The following FNDC3B variants were observed in gnomAD, a reference collection of about 807,000 sequenced individuals.
FNDC3B encodes fibronectin type III domain-containing protein 3B.
In FNDC3B, 12 loss-of-function variants were observed where a neutral mutation model predicts 151.5. The observed-to-expected ratio is 0.08, with a 90% confidence interval of 0.05 to 0.13. The LOEUF (loss-of-function observed/expected upper bound fraction) is 0.13, where lower values mean the gene tolerates loss of function less well. Among genes scored for constraint, FNDC3B ranks in the 10% least tolerant of loss-of-function variants. The pLI, the probability that FNDC3B is intolerant of heterozygous loss-of-function variation, is 1.00. For missense variants in FNDC3B, 1,214 were observed against 1,505.3 expected (o/e 0.81, Z 3.20); for synonymous variants, 528 against 549.0 (o/e 0.96, Z 0.54).
rs371640788 is a variant in FNDC3B, at chr3:172,125,502, TC to T, written c.112-7964del. On this transcript the variant is annotated intron_variant, in intron 2 of 25. Transcript: ENST00000415807. ...AGATAGTAGAGGTAGTAGAGGTTCC[TC>T]CCCCGTGGGAGTCTCACCCTGGAGT... is the stretch of plus-strand genomic sequence containing the variant. Among the ~76,000 whole-genome samples, 117 of 152,170 alleles carry T rather than the reference TC, an allele frequency of 7.7e-4. 1 individual carries two copies. In the South Asian group the frequency reaches 0.023, roughly 30 times the overall value.
rs143499244 is a variant in FNDC3B at position 172,165,163 on chromosome 3, G to A, written c.187+31617G>A. Among the ~76,000 whole-genome samples, 196 of 152,168 alleles carry A rather than the reference G, an allele frequency of 1.3e-3. 4 individuals are homozygous for A. The East Asian group carries it at 0.034, about 27-fold the overall frequency. ...GGAGTAGCTGGGACTACAGGCATGCGCCACCATGGCTGAGTTTTGTATCTT... is the reference window on the plus strand; with the variant it reads ...GGAGTAGCTGGGACTACAGGCATGCACCACCATGGCTGAGTTTTGTATCTT... On this transcript the variant is annotated intron_variant, in intron 3 of 25. Coordinates refer to ENST00000415807, the MANE Select transcript of FNDC3B (RefSeq NM_022763.4).
At chr3:172,304,230 T>G (rs1171136247) in intron 9 of FNDC3B, among the ~76,000 whole-genome samples, 2 of 152,158 alleles carry the variant, frequency 1.3e-5, no homozygotes, top group African/African-American at 4.8e-5. Flanking sequence ...GAGACCAAAT[T>G]TACCTTTCCC....
chr3:172,053,001 A>G (rs1328016844), intron 1 of FNDC3B, among the ~76,000 whole-genome samples: 1 of 152,202 alleles, frequency 6.6e-6, no homozygotes, highest in Non-Finnish European at 1.5e-5. Flanking sequence ...GGCAGATGTA[A>G]AATACAGTAA....
At chr3:172,320,562 A>C (rs551300557) in intron 11 of FNDC3B, among the ~76,000 whole-genome samples, 1 of 152,226 alleles carries the variant, frequency 6.6e-6, no homozygotes, top group Admixed American at 6.5e-5. Flanking sequence ...AGGAACAGGA[A>C]GTATCGTTTC....
At chr3:172,051,035 G>A (rs567395231) in intron 1 of FNDC3B, among the ~76,000 whole-genome samples, 19 of 149,102 alleles carry the variant, frequency 1.3e-4, no homozygotes, top group African/African-American at 3.7e-4. Flanking sequence ...GCATATCCTT[G>A]TTATGTTCCA....
chr3:172,203,380 A>AC (rs1320568579), intron 3 of FNDC3B, among the ~76,000 whole-genome samples: 1 of 152,262 alleles, frequency 6.6e-6, no homozygotes, highest in East Asian at 1.9e-4. Flanking sequence ...AGAAAGCAAG[A>AC]CAGGACATCG....
chr3:172,393,715 G>A (rs1205115650), intron 25 of FNDC3B, among the ~76,000 whole-genome samples: 1 of 152,130 alleles, frequency 6.6e-6, no homozygotes, highest in Non-Finnish European at 1.5e-5. Flanking sequence ...CGAATACATG[G>A]AAATAAAAAA....
intron 23 of FNDC3B, among the ~76,000 whole-genome samples, chr3:172,364,036 G>A (rs1469778202): frequency 1.3e-5 from 2 of 152,198 alleles, no homozygotes; most frequent in South Asian, 2.1e-4. Context: ...AGAACAAAAC[G>A]TGATTATCCT....
chr3:172,067,121 C>A (rs758670413), intron 1 of FNDC3B, among the ~76,000 whole-genome samples: 2 of 152,200 alleles, frequency 1.3e-5, no homozygotes, highest in South Asian at 4.1e-4. Flanking sequence ...CCTACCCTCA[C>A]CCAGTCTTCC....
intron 23 of FNDC3B, among the ~76,000 whole-genome samples, chr3:172,372,180 T>G (rs914002797): frequency 6.6e-6 from 1 of 152,208 alleles, no homozygotes; most frequent in African/African-American, 2.4e-5. Context: ...CAGTGTGTTG[T>G]ATCCAAACTC....
At chr3:172,097,849 A>G (rs1352387650) in intron 1 of FNDC3B, among the ~76,000 whole-genome samples, 3 of 152,198 alleles carry the variant, frequency 2.0e-5, no homozygotes, top group African/African-American at 4.8e-5. Context: ...ATTTTACAGC[A>G]GCTGCCTTAA....
chr3:172,333,835 G>C (rs1732814094), intron 14 of FNDC3B, among the ~76,000 whole-genome samples: 1 of 151,916 alleles, frequency 6.6e-6, no homozygotes, highest in East Asian at 1.9e-4. Context: ...ACTTTCCTTT[G>C]CTCTTCTGCC....
chr3:172,062,881 G>T (rs1246189766), intron 1 of FNDC3B, among the ~76,000 whole-genome samples: 2 of 152,044 alleles, frequency 1.3e-5, no homozygotes, highest in Admixed American at 1.3e-4. Flanking sequence ...AGAGGAGAAT[G>T]AAGAATTAAG....
intron 6 of FNDC3B, among the ~76,000 whole-genome samples, chr3:172,279,499 G>A (rs990324549): frequency 2.0e-5 from 3 of 152,082 alleles, no homozygotes; most frequent in African/African-American, 4.8e-5. Flanking sequence ...TTTCTTTTTC[G>A]GTGTTGAGAG....
At chr3:172,310,619 T>A (rs1388599749) in intron 10 of FNDC3B, among the ~76,000 whole-genome samples, 1 of 152,156 alleles carries the variant, frequency 6.6e-6, no homozygotes, top group East Asian at 1.9e-4. Context: ...GGAGTATGAT[T>A]TATTCATAGT....
At chr3:172,085,883 T>C (rs1718525698) in intron 1 of FNDC3B, among the ~76,000 whole-genome samples, 1 of 152,226 alleles carries the variant, frequency 6.6e-6, no homozygotes, top group South Asian at 2.1e-4. Context: ...ACATTGCTTG[T>C]TTCTCAGATA....
At chr3:172,373,975 C>G (rs1276026037) in intron 23 of FNDC3B, among the ~76,000 whole-genome samples, 1 of 152,190 alleles carries the variant, frequency 6.6e-6, no homozygotes, top group Non-Finnish European at 1.5e-5. Context: ...ACATTTCATG[C>G]TAGGGTTTAC....
chr3:172,200,064 G>A (rs891622372), intron 3 of FNDC3B, among the ~76,000 whole-genome samples: 2 of 151,750 alleles, frequency 1.3e-5, no homozygotes, highest in African/African-American at 2.4e-5. Flanking sequence ...TCAGTGTTGC[G>A]GGGGCCAGAG....
chr3:172,307,950 A>G (rs1357435058), intron 10 of FNDC3B, among the ~76,000 whole-genome samples: 1 of 152,232 alleles, frequency 6.6e-6, no homozygotes, highest in Non-Finnish European at 1.5e-5. Context: ...TAAAATACCT[A>G]CATCTTATCA....
Sources: gnomAD v4.1 joint callset for allele counts (sites outside exome capture counted in the v4.1 genomes callset) on GRCh38, gnomAD v4.1.1 for gene constraint, MANE v1.5 for transcripts, NCBI Gene and HGNC (gene_info 2026-07-23, HGNC 2026-07-21) for gene names.